HTR2C: variants seen among roughly 807,000 people sequenced by gnomAD.
The protein encoded by HTR2C is 5-hydroxytryptamine (serotonin) receptor 2C, G protein-coupled.
Under a neutral mutation model 21.0 loss-of-function variants are expected in HTR2C, and 5 were observed. The ratio of observed to expected loss-of-function variants is 0.24; its 90% confidence interval spans 0.12 to 0.50. HTR2C has a LOEUF of 0.50. Ranked by LOEUF, HTR2C falls within the 20% of genes least tolerant of loss-of-function variation. The probability of loss-of-function intolerance (pLI) is 0.98; values close to 1 mark genes in which losing one functional copy is unlikely to be tolerated. For missense variants in HTR2C, 271 were observed against 371.2 expected (o/e 0.73, Z 2.22); for synonymous variants, 150 against 145.3 (o/e 1.03, Z -0.23).
chrX:114,612,784 C>T (rs944449718), intron 1 of HTR2C, among the ~76,000 whole-genome samples: 5 of 111,175 alleles, frequency 4.5e-5, no homozygotes, highest in African/African-American at 1.3e-4. Flanking sequence ...CGGATCCAGA[C>T]CCCAAGAGAG....
intron 5 of HTR2C, among the ~76,000 whole-genome samples, chrX:114,900,751 C>A (rs782017057): frequency 6.2e-5 from 7 of 112,011 alleles, no homozygotes; most frequent in African/African-American, 2.3e-4. Context: ...TCTTTTGTAT[C>A]ACTATTTATT....
chrX:114,793,004 C>A (rs954464190), intron 4 of HTR2C, among the ~76,000 whole-genome samples: 1 of 111,786 alleles, frequency 8.9e-6, no homozygotes, highest in Non-Finnish European at 1.9e-5. Flanking sequence ...CTTTTAAATG[C>A]TAGATATTAG....
At chrX:114,886,911 G>C (rs994313211) in intron 5 of HTR2C, among the ~76,000 whole-genome samples, 7 of 111,214 alleles carry the variant, frequency 6.3e-5, no homozygotes, top group Non-Finnish European at 1.3e-4. Flanking sequence ...ATTGGCAAAT[G>C]TGTTTACATT....
chrX:114,610,492 A>G (rs1252468422), intron 1 of HTR2C, among the ~76,000 whole-genome samples: 2 of 112,158 alleles, frequency 1.8e-5, no homozygotes, highest in Non-Finnish European at 3.8e-5. Flanking sequence ...TTGAATAATC[A>G]CAAAATCACA....
intron 2 of HTR2C, among the ~76,000 whole-genome samples, chrX:114,716,086 C>G (rs782187334): frequency 8.9e-6 from 1 of 112,782 alleles, no homozygotes; most frequent in South Asian, 3.6e-4. Context: ...CTTTGAAAAC[C>G]TTCAGTTTGT....
At chrX:114,718,092 G>A (rs150388786) in intron 2 of HTR2C, among the ~76,000 whole-genome samples, 85 of 110,758 alleles carry the variant, frequency 7.7e-4, no homozygotes, top group African/African-American at 2.6e-3. Flanking sequence ...GTGCGATCAC[G>A]GCTCACTGCT....
chrX:114,723,871 G>T (rs1465420865), intron 2 of HTR2C, among the ~76,000 whole-genome samples: 1 of 101,263 alleles, frequency 9.9e-6, no homozygotes, highest in African/African-American at 3.5e-5. Context: ...TTGCACTGTG[G>T]TCTGAGAGAT....
rs1243476420 is a variant in HTR2C, at chrX:114,747,796, C to T, written c.349+16189C>T. On this transcript the variant is annotated intron_variant, in intron 4 of 5. Transcript: ENST00000276198. ...AAGCCTCCCACATCCAATGTGGGTC[C>T]CAGGCCTTCAATCCAAAAGCCAGCA... is the stretch of plus-strand genomic sequence containing the variant. Among the ~76,000 whole-genome samples, 3 of 112,164 alleles carry T rather than the reference C, an allele frequency of 2.7e-5. No individual in the cohort carries two copies. In the Admixed American group the frequency reaches 2.8e-4, roughly 11 times the overall value.
At chrX:114,887,657 T>C (rs2071229562) in intron 5 of HTR2C, among the ~76,000 whole-genome samples, 1 of 111,189 alleles carries the variant, frequency 9.0e-6, no homozygotes, top group South Asian at 3.7e-4. Flanking sequence ...GGTTGACATT[T>C]TGTTTTTCTT....
At chrX:114,659,731 A>G (rs782685379) in intron 2 of HTR2C, among the ~76,000 whole-genome samples, 1 of 110,268 alleles carries the variant, frequency 9.1e-6, no homozygotes, top group African/African-American at 3.3e-5. Flanking sequence ...AATATAATAT[A>G]GGATCCTGGA....
At chrX:114,730,283 C>A (rs1180240238) in intron 3 of HTR2C, among the ~76,000 whole-genome samples, 1 of 111,936 alleles carries the variant, frequency 8.9e-6, no homozygotes, top group African/African-American at 3.2e-5. Context: ...TAGCCTGCCA[C>A]CTGGCCTGAA....
intron 4 of HTR2C, among the ~76,000 whole-genome samples, chrX:114,745,140 C>G (rs2069689990): frequency 8.9e-6 from 1 of 111,817 alleles, no homozygotes; most frequent in African/African-American, 3.3e-5. Context: ...GTCTAATAAT[C>G]CAATAAAAAA....
At chrX:114,719,052 TA>T (rs1933100866) in intron 2 of HTR2C, among the ~76,000 whole-genome samples, 2 of 103,548 alleles carry the variant, frequency 1.9e-5, no homozygotes, top group African/African-American at 6.9e-5. Flanking sequence ...ATTAATAATA[TA>T]ATTATAATTA....
chrX:114,670,010 G>A (rs1238175777), intron 2 of HTR2C, among the ~76,000 whole-genome samples: 1 of 111,242 alleles, frequency 9.0e-6, no homozygotes, highest in Non-Finnish European at 1.9e-5. Context: ...AGGCCAAGGC[G>A]GGAGGTTCAC....
At position 114,584,292 on chromosome X, in the gene HTR2C, A is replaced by G. The variant is rs1218972534; in HGVS notation, c.-514A>G. 4.4e-5 allele frequency: 5 copies of G among 112,908 alleles called. No individual in the cohort carries two copies. Among genetic ancestry groups the G allele is most frequent in the African/African-American group, 1.6e-4 (5 of 30,964 alleles). The allele number at this position is 112,908 out of a possible 1,213,427, so 9.3% of individuals were successfully genotyped here. On this transcript the variant is annotated 5_prime_UTR_variant, in exon 1 of 6. It removes an upstream start codon present in the reference 5' UTR. Transcript: ENST00000276198. Reference sequence around the variant, plus strand: ...TCGCGATCGTCGTGGCGCTCGTGTGATGGCCTTCGTCCGTTTAGAGTAGTG... The same window carrying G: ...TCGCGATCGTCGTGGCGCTCGTGTGGTGGCCTTCGTCCGTTTAGAGTAGTG...
chrX:114,703,258 T>C (rs1316789721), intron 2 of HTR2C, among the ~76,000 whole-genome samples: 1 of 107,125 alleles, frequency 9.3e-6, no homozygotes, highest in Non-Finnish European at 1.9e-5. Context: ...AGAATATACA[T>C]TTTTTTCAGC....
rs1355025923 is a variant in HTR2C at position 114,622,719 on chromosome X, C to CATCT, written c.-80+8839_-80+8842dup. Among the ~76,000 whole-genome samples, 3 of 112,060 alleles carry CATCT rather than the reference C, an allele frequency of 2.7e-5. No homozygotes were observed. The Admixed American group carries it at 2.9e-4, about 11-fold the overall frequency. The stretch of plus-strand genomic sequence containing the variant: ...CAGATCTCCTCCAAAATAGGCAATA[C>CATCT]ATCTGCCAGTAGATGTGGCTTACCT... On this transcript the variant is annotated intron_variant, in intron 2 of 5. Coordinates refer to ENST00000276198, the MANE Select transcript of HTR2C (RefSeq NM_000868.4).
intron 4 of HTR2C, among the ~76,000 whole-genome samples, chrX:114,806,992 A>ATG (rs2070463414): frequency 1.3e-5 from 1 of 77,593 alleles, no homozygotes; most frequent in Non-Finnish European, 2.4e-5. Flanking sequence ...TATACCACAT[A>ATG]TATATACCAT....
intron 1 of HTR2C, among the ~76,000 whole-genome samples, chrX:114,593,946 C>T (rs1250906369): frequency 4.5e-5 from 5 of 111,907 alleles, no homozygotes; most frequent in African/African-American, 6.5e-5. Flanking sequence ...CACTTCAGGT[C>T]TCTAACTTGT....
Sources: gnomAD v4.1 joint callset for allele counts (sites outside exome capture counted in the v4.1 genomes callset) on GRCh38, gnomAD v4.1.1 for gene constraint, MANE v1.5 for transcripts, NCBI Gene and HGNC (gene_info 2026-07-23, HGNC 2026-07-21) for gene names.